Variants in RYR2 observed in about 807,000 individuals in gnomAD.
RYR2 encodes ryanodine receptor 2.
A neutral mutation model predicts 601.1 loss-of-function variants in RYR2; 227 were observed. That is an observed-to-expected ratio of 0.38 (90% confidence interval 0.34 to 0.42). The LOEUF is 0.42. Among genes scored for constraint, RYR2 ranks in the 10% least tolerant of loss-of-function variants. The pLI is 1.00. For synonymous variants in RYR2, 2,223 were observed against 2,175.1 expected, an observed-to-expected ratio of 1.02 and a Z score of -0.61; for missense variants, 4,646 against 6,156.5, an observed-to-expected ratio of 0.75 and a Z score of 8.21.
chr1:237,592,181 AATC>A (rs1344374979), intron 32 of RYR2, among the ~76,000 whole-genome samples: 2 of 152,200 alleles, frequency 1.3e-5, no homozygotes, highest in Non-Finnish European at 2.9e-5. Context: ...TCTGAAGATC[AATC>A]ATCATAATTT....
intron 16 of RYR2, among the ~76,000 whole-genome samples, chr1:237,467,587 T>C (rs551040223): frequency 1.3e-5 from 2 of 152,290 alleles, no homozygotes; most frequent in East Asian, 3.9e-4. Flanking sequence ...GCTCTTAATC[T>C]CTGTACAAAT....
intron 79 of RYR2, among the ~76,000 whole-genome samples, chr1:237,735,462 A>G (rs1691057560): frequency 6.6e-6 from 1 of 152,202 alleles, no homozygotes; most frequent in South Asian, 2.1e-4. Context: ...CCAACAGAAT[A>G]GGAAAGGGAA....
intron 85 of RYR2, among the ~76,000 whole-genome samples, chr1:237,771,732 C>T (rs553630805): frequency 2.2e-4 from 33 of 152,142 alleles, no homozygotes; most frequent in African/African-American, 7.5e-4. Flanking sequence ...TTTAGTCATT[C>T]GTTTGCCCAG....
intron 2 of RYR2, among the ~76,000 whole-genome samples, chr1:237,275,388 G>A (rs1690164059): frequency 6.6e-6 from 1 of 151,874 alleles, no homozygotes; most frequent in Non-Finnish European, 1.5e-5. Flanking sequence ...TAAAAGGATA[G>A]ACAAGGATAT....
chr1:237,757,564 A>AGTCT (rs1369794494), intron 81 of RYR2, 133 bp from the exon 82 acceptor site: 1 of 538,116 alleles, frequency 1.9e-6, no homozygotes, highest in African/African-American at 1.9e-5. Flanking sequence ...AACATAAGTC[A>AGTCT]GTCTCCCTAT....
rs180718289 is a variant in RYR2 at position 237,451,009 on chromosome 1, A to G, written c.1293-3382A>G. ...TATATTGCATATATATTTATATTGC[A>G]TATATATATATCCAGTAATCATGTT... On this transcript the variant is annotated intron_variant, in intron 14 of 104. Transcript: ENST00000366574. Among the ~76,000 whole-genome samples the G allele has an allele frequency of 1.9e-3, 283 of 150,404 alleles. 1 individual carries two copies. The highest frequency in any genetic ancestry group is 6.5e-3 in the African/African-American group (270 of 41,298).
intron 1 of RYR2, among the ~76,000 whole-genome samples, chr1:237,069,422 A>C (rs1664038272): frequency 6.6e-6 from 1 of 152,120 alleles, no homozygotes; most frequent in Admixed American, 6.6e-5. Flanking sequence ...AGGGCACAGC[A>C]AGTTGGACAT....
At chr1:237,423,954 G>A (rs956512749) in intron 12 of RYR2, among the ~76,000 whole-genome samples, 1 of 152,122 alleles carries the variant, frequency 6.6e-6, no homozygotes, top group Admixed American at 6.5e-5. Flanking sequence ...GGGGAAGCAG[G>A]CAGGTCTTAC....
intron 25 of RYR2, among the ~76,000 whole-genome samples, chr1:237,531,221 C>G (rs1668109546): frequency 6.6e-6 from 1 of 152,102 alleles, no homozygotes; most frequent in Non-Finnish European, 1.5e-5. Flanking sequence ...TTATTATCCA[C>G]ATTTTAAGAT....
chr1:237,573,965 C>G (rs970698870), intron 29 of RYR2, among the ~76,000 whole-genome samples: 1 of 152,080 alleles, frequency 6.6e-6, no homozygotes, highest in Non-Finnish European at 1.5e-5. Context: ...GTAGAAGGAG[C>G]AAGGCTCTCA....
intron 2 of RYR2, among the ~76,000 whole-genome samples, chr1:237,273,604 T>C (rs1229772176): frequency 6.6e-6 from 1 of 152,142 alleles, no homozygotes; most frequent in Non-Finnish European, 1.5e-5. Context: ...TAAGTAAGTA[T>C]GACTACCAAA....
intron 1 of RYR2, among the ~76,000 whole-genome samples, chr1:237,119,771 G>C (rs2148640928): frequency 6.6e-6 from 1 of 152,298 alleles, no homozygotes; most frequent in Non-Finnish European, 1.5e-5. Flanking sequence ...CTGGGGGAAA[G>C]CCTTTCACCT....
At chr1:237,222,614 G>A (rs1460374928) in intron 1 of RYR2, among the ~76,000 whole-genome samples, 1 of 152,050 alleles carries the variant, frequency 6.6e-6, no homozygotes, top group African/African-American at 2.4e-5. Flanking sequence ...ATGTCTGTCT[G>A]TCTTGAGGTT....
intron 10 of RYR2, among the ~76,000 whole-genome samples, chr1:237,410,354 A>G (rs1704321114): frequency 6.6e-6 from 1 of 152,206 alleles, no homozygotes; most frequent in South Asian, 2.1e-4. Context: ...TAGATTTAGA[A>G]ATGTTATTCA....
At chr1:237,683,149 C>A (rs1482537564) in intron 62 of RYR2, among the ~76,000 whole-genome samples, 2 of 152,138 alleles carry the variant, frequency 1.3e-5, no homozygotes, top group Admixed American at 1.3e-4. Flanking sequence ...ACTGGCCCTG[C>A]CACTATGAAT....
chr1:237,103,590 CAG>C (rs1275930967), intron 1 of RYR2, among the ~76,000 whole-genome samples: 2 of 152,110 alleles, frequency 1.3e-5, no homozygotes, highest in African/African-American at 4.8e-5. Flanking sequence ...TTTTTTGAGA[CAG>C]AATTTCACTC....
chr1:237,142,627 T>C (rs1039009868), intron 1 of RYR2, among the ~76,000 whole-genome samples: 12 of 152,144 alleles, frequency 7.9e-5, no homozygotes, highest in Admixed American at 5.9e-4. Flanking sequence ...GGTGGGGCAG[T>C]TGGGAAGAGC....
intron 1 of RYR2, among the ~76,000 whole-genome samples, chr1:237,053,048 C>T (rs1268587029): frequency 6.6e-6 from 1 of 152,114 alleles, no homozygotes; most frequent in African/African-American, 2.4e-5. Flanking sequence ...GGGGTTTCAC[C>T]ATGTTGGCCA....
At chr1:237,325,123 G>A (rs1696024124) in intron 2 of RYR2, among the ~76,000 whole-genome samples, 1 of 152,142 alleles carries the variant, frequency 6.6e-6, no homozygotes, top group South Asian at 2.1e-4. Context: ...GGTAGAGTGG[G>A]ATCCAAGCTG....
Sources: gnomAD v4.1 joint callset for allele counts (sites outside exome capture counted in the v4.1 genomes callset) on GRCh38, gnomAD v4.1.1 for gene constraint, MANE v1.5 for transcripts, NCBI Gene and HGNC (gene_info 2026-07-23, HGNC 2026-07-21) for gene names.